FGF12: variants seen among roughly 807,000 people sequenced by gnomAD.
FGF12 encodes the protein fibroblast growth factor 12B.
A neutral mutation model predicts 23.6 loss-of-function variants in FGF12; 14 were observed. The observed-to-expected ratio is 0.59, with a 90% CI of 0.39 to 0.93. The LOEUF (loss-of-function observed/expected upper bound fraction) is 0.93. Among genes scored for constraint, FGF12 ranks in the 40% least tolerant of loss-of-function variants. FGF12 has a pLI of 0.00. For missense variants in FGF12, 175 were observed against 217.8 expected (o/e 0.80, Z 1.24); for synonymous variants, 62 against 77.3 (o/e 0.80, Z 1.04).
At chr3:192,170,381 G>T in intron 5 of FGF12, 77 bp downstream of exon 5, 3 of 1,244,312 alleles carry the variant, frequency 2.4e-6, no homozygotes, top group East Asian at 2.3e-5. Context: ...AAACTCTCTG[G>T]ACCAAAAGGG....
chr3:192,567,813 T>TTC (rs71635390), intron 2 of FGF12, among the ~76,000 whole-genome samples: 19 of 146,090 alleles, frequency 1.3e-4, no homozygotes, highest in South Asian at 2.2e-4. Context: ...CTTTCTTTCT[T>TTC]TCTCTCTCTC....
Position 192,652,841 on chromosome 3 carries a change from C to T in FGF12, c.13+74340G>A, listed in dbSNP as rs779612547. Among the ~76,000 whole-genome samples the T allele has an allele frequency of 4.6e-5, 7 of 152,196 alleles. No individual in the cohort carries two copies. The South Asian group carries it at 1.0e-3, about 22-fold the overall frequency. On this transcript the variant is annotated intron_variant, in intron 2 of 5. Coordinates refer to ENST00000445105, the MANE Select transcript of FGF12 (RefSeq NM_004113.6). ...ATTACCAACACACTCCTGAAATCTA[C>T]AGGCTAACTTTGTATGCTCATGTAA...
chr3:192,518,771 C>T (rs548549144), intron 2 of FGF12, among the ~76,000 whole-genome samples: 49 of 152,296 alleles, frequency 3.2e-4, no homozygotes, highest in African/African-American at 1.1e-3. Flanking sequence ...TAGCTCTCAT[C>T]TTAGCAATAC....
At chr3:192,643,309 T>A (rs1044335262) in intron 2 of FGF12, among the ~76,000 whole-genome samples, 10 of 152,206 alleles carry the variant, frequency 6.6e-5, no homozygotes, top group African/African-American at 2.2e-4. Flanking sequence ...TTTAAAAAAT[T>A]ATGATTGGAT....
At chr3:192,348,486 A>G (rs930376970) in intron 3 of FGF12, among the ~76,000 whole-genome samples, 1 of 152,188 alleles carries the variant, frequency 6.6e-6, no homozygotes, top group Non-Finnish European at 1.5e-5. Flanking sequence ...GTTTTAATAT[A>G]TATTTTAAAT....
chr3:192,644,112 C>T (rs1024438208), intron 2 of FGF12, among the ~76,000 whole-genome samples: 1 of 152,210 alleles, frequency 6.6e-6, no homozygotes, highest in East Asian at 1.9e-4. Context: ...CATACATCCC[C>T]GTTTGATCAT....
intron 2 of FGF12, among the ~76,000 whole-genome samples, chr3:192,567,793 C>CTT (rs375127511): frequency 3.1e-5 from 4 of 129,646 alleles, no homozygotes; most frequent in Middle Eastern, 3.9e-3. Flanking sequence ...TTCTTTCTTT[C>CTT]TTTCTTTCTC....
At chr3:192,146,030 C>T (rs1008492664) in intron 5 of FGF12, among the ~76,000 whole-genome samples, 2 of 152,134 alleles carry the variant, frequency 1.3e-5, no homozygotes, top group African/African-American at 2.4e-5. Flanking sequence ...CAAGAAGCAA[C>T]GAGGTGATTT....
chr3:192,541,840 G>A (rs1725373408), intron 2 of FGF12, among the ~76,000 whole-genome samples: 2 of 151,714 alleles, frequency 1.3e-5, no homozygotes, highest in Admixed American at 1.3e-4. Flanking sequence ...CGTTAAATAT[G>A]TCATGCCACT....
At chr3:192,497,610 C>T (rs1577019455) in intron 2 of FGF12, among the ~76,000 whole-genome samples, 1 of 152,170 alleles carries the variant, frequency 6.6e-6, no homozygotes, top group South Asian at 2.1e-4. Context: ...GCTCTTCTTG[C>T]CCCTCTTTAA....
At chr3:192,386,622 ATAAT>A (rs915355216) in intron 2 of FGF12, among the ~76,000 whole-genome samples, 5 of 152,288 alleles carry the variant, frequency 3.3e-5, no homozygotes, top group East Asian at 3.9e-4. Context: ...CTCTGATAAA[ATAAT>A]TAGAGTAATT....
chr3:192,262,855 C>T (rs189199078), intron 4 of FGF12, among the ~76,000 whole-genome samples: 42 of 151,724 alleles, frequency 2.8e-4, no homozygotes, highest in African/African-American at 9.2e-4. Flanking sequence ...GATAAAAACC[C>T]CTAAGAACTA....
At chr3:192,597,293 C>T (rs184170964) in intron 2 of FGF12, among the ~76,000 whole-genome samples, 10 of 152,190 alleles carry the variant, frequency 6.6e-5, no homozygotes, top group East Asian at 1.9e-4. Flanking sequence ...GAATCGTTCA[C>T]GCACCAAACC....
intron 2 of FGF12, among the ~76,000 whole-genome samples, chr3:192,451,367 G>A (rs889931695): frequency 2.0e-5 from 3 of 152,154 alleles, no homozygotes; most frequent in Admixed American, 2.0e-4. Context: ...GGAGAACTGT[G>A]AGAATTACCA....
At position 192,140,632 on chromosome 3, in the gene FGF12, A is replaced by G. The variant is rs766090652; in HGVS notation, c.*3377T>C. On this transcript the variant is annotated 3_prime_UTR_variant, in exon 6 of 6. Transcript: ENST00000445105. ...TGGCACCGCAGGACTACCAATCTAGATATTAGATTGTTGCTATTTTATTAA... is the reference window on the plus strand; with the variant it reads ...TGGCACCGCAGGACTACCAATCTAGGTATTAGATTGTTGCTATTTTATTAA... 1 of 151,970 alleles carries G rather than the reference A, an allele frequency of 6.6e-6. No homozygotes were observed. Among genetic ancestry groups the G allele is most frequent in the Non-Finnish European group, 1.5e-5 (1 of 67,906 alleles). 9.4% of individuals were successfully genotyped at this position (151,970 alleles called of 1,614,324 possible). A position where few individuals can be genotyped will look rare whatever the true frequency, so the allele number is the denominator to read the frequency against.
intron 4 of FGF12, among the ~76,000 whole-genome samples, chr3:192,218,690 C>T (rs957704537): frequency 3.3e-5 from 5 of 152,230 alleles, no homozygotes; most frequent in South Asian, 2.1e-4. Context: ...TACTTCTTTA[C>T]AGCAGTGCAA....
intron 4 of FGF12, among the ~76,000 whole-genome samples, chr3:192,232,056 A>C (rs1719050089): frequency 6.6e-6 from 1 of 152,208 alleles, no homozygotes; most frequent in Non-Finnish European, 1.5e-5. Context: ...GTGCTCCATA[A>C]TCCTTCCAGA....
At chr3:192,684,672 GCGTATTTTGATGATCATC>G (rs1717668032) in intron 2 of FGF12, among the ~76,000 whole-genome samples, 3 of 152,166 alleles carry the variant, frequency 2.0e-5, no homozygotes. Flanking sequence ...GGGTTTAAAA[GCGTATTTTGATGATCATC>G]ATCAAATTTC....
At chr3:192,372,143 C>T (rs1199660409) in intron 2 of FGF12, among the ~76,000 whole-genome samples, 1 of 152,138 alleles carries the variant, frequency 6.6e-6, no homozygotes, top group African/African-American at 2.4e-5. Flanking sequence ...CTCACAGACA[C>T]ATCTTTTGGC....
Sources: allele counts gnomAD v4.1 joint callset (sites outside exome capture counted in the v4.1 genomes callset), GRCh38; gene constraint gnomAD v4.1.1; transcripts MANE v1.5; gene names NCBI Gene and HGNC (gene_info 2026-07-23, HGNC 2026-07-21).